The following EWSR1 variants were observed in gnomAD, a reference collection of about 807,000 sequenced individuals.
The protein encoded by EWSR1 is RNA-binding protein EWS.
EWSR1 carries 14 observed loss-of-function variants against 92.1 expected under a neutral mutation model. That is an observed-to-expected ratio of 0.15 (90% CI 0.10 to 0.24). The LOEUF is 0.24. EWSR1 is among the 10% of genes least tolerant of loss of function. The probability of loss-of-function intolerance (pLI) is 1.00; values close to 1 mark genes in which losing one functional copy is unlikely to be tolerated. For missense variants in EWSR1, 637 were observed against 870.9 expected, an observed-to-expected ratio of 0.73 and a Z score of 3.38; for synonymous variants, 303 against 292.9, an observed-to-expected ratio of 1.03 and a Z score of -0.35.
chr22:29,277,244 GA>G, intron 4 of EWSR1: 2 of 227,128 alleles, frequency 8.8e-6, no homozygotes, highest in Non-Finnish European at 1.8e-5. Context: ...TGCTGAGCAG[GA>G]AAAAGGCCTT....
chr22:29,284,361 C>T (rs1289983272), intron 6 of EWSR1, among the ~76,000 whole-genome samples: 15 of 151,378 alleles, frequency 9.9e-5, no homozygotes, highest in Non-Finnish European at 5.9e-5. Context: ...CTAGAAGTAG[C>T]GGTTCCCTTT....
Position 29,286,185 on chromosome 22 carries a change from C to T in EWSR1, c.582-738C>T, listed in dbSNP as rs1479978758. Among the ~76,000 whole-genome samples, 7 of 151,570 alleles carry T rather than the reference C, an allele frequency of 4.6e-5. No individual in the cohort carries two copies. The South Asian group carries it at 6.3e-4, about 14-fold the overall frequency. ...GGAGACGGAATCTTCACTCTGTTCC[C>T]GAGTCGCCAAGGCTGGAGTACAGTA... On this transcript the variant is annotated intron_variant, in intron 6 of 16. Coordinates refer to ENST00000397938, the MANE Select transcript of EWSR1 (RefSeq NM_005243.4).
chr22:29,270,065 G>GGA (rs2058541353), intron 1 of EWSR1, among the ~76,000 whole-genome samples: 1 of 152,070 alleles, frequency 6.6e-6, no homozygotes, highest in African/African-American at 2.4e-5. Context: ...TTAAGCTTTT[G>GGA]AGCCCTTCTG....
chr22:29,270,131 CTGTGAAGCTCAACTCAGGTAG>C (rs1352114687), intron 1 of EWSR1, among the ~76,000 whole-genome samples: 1 of 152,206 alleles, frequency 6.6e-6, no homozygotes, highest in Non-Finnish European at 1.5e-5. Context: ...AGCTCAGGTA[CTGTGAAGCTCAACTCAGGTAG>C]TGTGAAGCAG....
intron 6 of EWSR1, among the ~76,000 whole-genome samples, chr22:29,284,520 A>G (rs2059870654): frequency 6.6e-6 from 1 of 151,298 alleles, no homozygotes; most frequent in Non-Finnish European, 1.5e-5. Context: ...TACCTATTGC[A>G]TTGAGAGCAG....
At chr22:29,271,292 T>G (rs1282647835) in intron 1 of EWSR1, among the ~76,000 whole-genome samples, 3 of 152,218 alleles carry the variant, frequency 2.0e-5, no homozygotes, top group Non-Finnish European at 2.9e-5. Context: ...AAAACTAAAT[T>G]TATCTAACTT....
At chr22:29,276,768 A>G (rs1041678263) in intron 4 of EWSR1, 5 of 231,328 alleles carry the variant, frequency 2.2e-5, no homozygotes, top group Non-Finnish European at 4.3e-5. Flanking sequence ...CACCCACCTC[A>G]GCCTCCCAAG....
At chr22:29,297,684 C>A in intron 12 of EWSR1, 143 bp from the exon 13 acceptor site, 1 of 1,154,938 alleles carries the variant, frequency 8.7e-7, no homozygotes, top group Non-Finnish European at 1.2e-6. Flanking sequence ...TCAAAAAAAG[C>A]CTTTTTCTGG....
Position 29,299,594 on chromosome 22 carries a change from C to CT in EWSR1, c.1679-3dup, listed in dbSNP as rs1423884796. 1.3e-6 allele frequency: 2 copies of CT among 1,593,032 alleles called. No homozygotes were observed. The highest frequency in any genetic ancestry group is 1.7e-6 in the Non-Finnish European group (2 of 1,167,874). On this transcript the variant is annotated splice_polypyrimidine_tract_variant and splice_region_variant and intron_variant, in intron 15 of 16. Transcript: ENST00000397938. ...ACTGCTTTCGCCCTGCTATTCTCAC[C>CT]TTAGGTGGTGATCGTGGCAGAGGTG...
intron 11 of EWSR1, among the ~76,000 whole-genome samples, chr22:29,294,356 T>C (rs131189): frequency 0.69 from 104,099 of 151,596 alleles, 37,361 homozygotes; most frequent in African/African-American, 0.92. Flanking sequence ...CCTGTAATCC[T>C]AGCACTTTGG....
chr22:29,294,666 G>A (rs904199514), intron 11 of EWSR1, among the ~76,000 whole-genome samples: 93 of 129,682 alleles, frequency 7.2e-4, no homozygotes, highest in African/African-American at 2.3e-3. Flanking sequence ...CTGTAATCCC[G>A]GCACTATGGG....
intron 6 of EWSR1, among the ~76,000 whole-genome samples, chr22:29,282,836 C>T (rs1602343615): frequency 6.6e-6 from 1 of 151,148 alleles, no homozygotes; most frequent in African/African-American, 2.4e-5. Flanking sequence ...GATCTCGGCT[C>T]ACTGCAAGCT....
chr22:29,280,859 G>T (rs1602310104), intron 5 of EWSR1, among the ~76,000 whole-genome samples: 2 of 91,022 alleles, frequency 2.2e-5, no homozygotes, highest in African/African-American at 7.9e-5. Context: ...GTGTGTGTGT[G>T]TTGTTTTTTT....
chr22:29,274,353 T>C, intron 4 of EWSR1: 4 of 1,564,344 alleles, frequency 2.6e-6, no homozygotes, highest in Non-Finnish European at 3.5e-6. Flanking sequence ...TGTTAATCCT[T>C]TAGGTGTTTT....
At chr22:29,298,537 CTG>C (rs1569122062) in intron 13 of EWSR1, among the ~76,000 whole-genome samples, 194 bp from the exon 14 acceptor site, 1 of 151,578 alleles carries the variant, frequency 6.6e-6, no homozygotes, top group African/African-American at 2.4e-5. Context: ...TGTGGGAGCT[CTG>C]TTTCTGTAGA....
intron 4 of EWSR1, chr22:29,274,459 T>G: frequency 1.7e-6 from 1 of 594,210 alleles, no homozygotes; most frequent in Non-Finnish European, 3.0e-6. Flanking sequence ...GTCCTATTCT[T>G]TATATGATTT....
chr22:29,296,540 T>G (rs1233413672), intron 12 of EWSR1, among the ~76,000 whole-genome samples, 172 bp downstream of exon 12: 1 of 152,202 alleles, frequency 6.6e-6, no homozygotes, highest in Non-Finnish European at 1.5e-5. Flanking sequence ...GATTTGGAGA[T>G]CCCTTTATTT....
chr22:29,293,355 A>C (rs2060591442), intron 11 of EWSR1, among the ~76,000 whole-genome samples: 1 of 152,150 alleles, frequency 6.6e-6, no homozygotes, highest in Admixed American at 6.5e-5. Context: ...CTAGTAACGC[A>C]GATTTTTTCT....
At chr22:29,269,893 C>A (rs538716255) in intron 1 of EWSR1, among the ~76,000 whole-genome samples, 25 of 152,340 alleles carry the variant, frequency 1.6e-4, no homozygotes, top group African/African-American at 6.0e-4. Flanking sequence ...CCTTGTTCAC[C>A]AGTAACTACC....
Sources: allele counts gnomAD v4.1 joint callset (sites outside exome capture counted in the v4.1 genomes callset), GRCh38; gene constraint gnomAD v4.1.1; transcripts MANE v1.5; gene names NCBI Gene and HGNC (gene_info 2026-07-23, HGNC 2026-07-21).